NKD1: variants seen among roughly 807,000 people sequenced by gnomAD.
NKD1 encodes NKD inhibitor of Wnt signaling pathway 1.
Under a neutral mutation model 56.0 loss-of-function variants are expected in NKD1, and 21 were observed. The observed-to-expected ratio is 0.38, with a 90% CI of 0.27 to 0.54. The LOEUF is 0.54. Among genes scored for constraint, NKD1 ranks in the 20% least tolerant of loss-of-function variants. The pLI, the probability that NKD1 is intolerant of heterozygous loss-of-function variation, is 0.82. For missense variants in NKD1, 578 were observed against 642.7 expected, an observed-to-expected ratio of 0.90 and a Z score of 1.09; for synonymous variants, 263 against 265.7, an observed-to-expected ratio of 0.99 and a Z score of 0.10.
intron 3 of NKD1, among the ~76,000 whole-genome samples, chr16:50,577,309 C>T (rs1427919832): frequency 6.6e-6 from 1 of 152,010 alleles, no homozygotes; most frequent in East Asian, 1.9e-4. Flanking sequence ...TTTCATAAGT[C>T]ATTCTTTATT....
chr16:50,560,231 G>A (rs753331500), intron 3 of NKD1, among the ~76,000 whole-genome samples: 7 of 152,188 alleles, frequency 4.6e-5, no homozygotes, highest in Non-Finnish European at 8.8e-5. Context: ...AAGTCCAAAG[G>A]CACCCACTGC....
intron 3 of NKD1, chr16:50,573,972 T>C (rs917563154): frequency 3.1e-6 from 3 of 981,072 alleles, no homozygotes; most frequent in Non-Finnish European, 3.6e-6. Context: ...ATGACATATA[T>C]GTATGTATAT....
At chr16:50,559,955 G>A (rs972727919) in intron 3 of NKD1, among the ~76,000 whole-genome samples, 6 of 152,178 alleles carry the variant, frequency 3.9e-5, no homozygotes, top group African/African-American at 1.2e-4. Flanking sequence ...GCGTGGGCTG[G>A]TGGGCCCCTC....
rs1241130011 is a variant in NKD1, at chr16:50,598,413, AT to A, written c.193-9879del. On this transcript the variant is annotated intron_variant, in intron 3 of 9. Transcript: ENST00000268459. This position sits in a 1 kb window ranked among gnomAD's most constrained non-coding sequence, Gnocchi z 4.2. ...CTTCATTCCTGAGGCTGAGCAAGAA[AT>A]TCCAGGCTTCTTGGGTCCCCAAGCC... Among the ~76,000 whole-genome samples the A allele has an allele frequency of 1.3e-5, 2 of 152,172 alleles. No individual in the cohort carries two copies. The highest frequency in any genetic ancestry group is 4.8e-5 in the African/African-American group (2 of 41,440).
intron 3 of NKD1, among the ~76,000 whole-genome samples, chr16:50,579,486 T>C (rs1156360579): frequency 7.9e-6 from 1 of 126,532 alleles, no homozygotes; most frequent in Non-Finnish European, 1.7e-5. Flanking sequence ...GGCTACCCGC[T>C]ACACACGCAC....
intron 3 of NKD1, among the ~76,000 whole-genome samples, chr16:50,588,418 GT>G (rs1961275498): frequency 6.6e-6 from 1 of 152,070 alleles, no homozygotes; most frequent in African/African-American, 2.4e-5. Context: ...TTAATCCATT[GT>G]TTTGCCATTG....
intron 3 of NKD1, among the ~76,000 whole-genome samples, chr16:50,578,562 C>T (rs1961038965): frequency 6.6e-6 from 1 of 152,124 alleles, no homozygotes; most frequent in Non-Finnish European, 1.5e-5. Context: ...AGTGATGTTC[C>T]CCTGGGGATC....
chr16:50,590,274 GTGTT>G (rs1201400059), intron 3 of NKD1, among the ~76,000 whole-genome samples: 1 of 152,134 alleles, frequency 6.6e-6, no homozygotes, highest in Non-Finnish European at 1.5e-5. Flanking sequence ...TGATACTTTT[GTGTT>G]TGTTCAAATA....
chr16:50,600,646 G>A (rs939410357), intron 3 of NKD1, among the ~76,000 whole-genome samples: 12 of 152,224 alleles, frequency 7.9e-5, no homozygotes, highest in Non-Finnish European at 1.2e-4. Context: ...GGATGCCTGC[G>A]ACTTGCTGGT....
At chr16:50,604,744 C>T (rs1405363963) in intron 3 of NKD1, among the ~76,000 whole-genome samples, 1 of 152,220 alleles carries the variant, frequency 6.6e-6, no homozygotes, top group Non-Finnish European at 1.5e-5. Context: ...GTGGCGCCGT[C>T]GAAGTTCTGA....
chr16:50,562,049 A>G (rs1960645750), intron 3 of NKD1, among the ~76,000 whole-genome samples: 1 of 152,254 alleles, frequency 6.6e-6, no homozygotes, highest in Non-Finnish European at 1.5e-5. Flanking sequence ...CATACTTACA[A>G]GAACATTCAT....
intron 3 of NKD1, among the ~76,000 whole-genome samples, chr16:50,588,573 GTTTCT>G (rs1254838982): frequency 1.5e-5 from 2 of 131,782 alleles, no homozygotes; most frequent in Non-Finnish European, 3.3e-5. Flanking sequence ...ACTTGTTCAA[GTTTCT>G]TTTCTTTTCT....
chr16:50,559,345 C>T (rs1004207167), intron 3 of NKD1, among the ~76,000 whole-genome samples: 29 of 152,242 alleles, frequency 1.9e-4, no homozygotes, highest in African/African-American at 7.0e-4. Context: ...GATTCTACTT[C>T]AGATTAGGGA....
At chr16:50,581,378 A>G (rs925308689) in intron 3 of NKD1, among the ~76,000 whole-genome samples, 2 of 152,198 alleles carry the variant, frequency 1.3e-5, no homozygotes, top group South Asian at 4.1e-4. Flanking sequence ...CCTTCAGTTT[A>G]GGGACCAGTT....
At chr16:50,589,163 C>G (rs989576206) in intron 3 of NKD1, among the ~76,000 whole-genome samples, 4 of 152,158 alleles carry the variant, frequency 2.6e-5, no homozygotes, top group Non-Finnish European at 5.9e-5. Flanking sequence ...CTTGGTGAGC[C>G]TTGGGCCTGG....
At chr16:50,611,384 G>C (rs560500509) in intron 4 of NKD1, among the ~76,000 whole-genome samples, 43 of 123,070 alleles carry the variant, frequency 3.5e-4, no homozygotes, top group African/African-American at 2.3e-3. Context: ...CCCTAAAGGA[G>C]ATGCTCAGAG....
intron 3 of NKD1, among the ~76,000 whole-genome samples, chr16:50,572,162 T>A (rs1035743331): frequency 6.6e-6 from 1 of 152,214 alleles, no homozygotes; most frequent in Non-Finnish European, 1.5e-5. Flanking sequence ...TCTGCCTCCT[T>A]GGAATGCTCA....
chr16:50,597,893 CCCTCTTGATTATGT>C (rs1278627297), intron 3 of NKD1, among the ~76,000 whole-genome samples: 1 of 152,168 alleles, frequency 6.6e-6, no homozygotes, highest in Non-Finnish European at 1.5e-5. Flanking sequence ...GCCAGTGTGA[CCCTCTTGATTATGT>C]CCTCATCTGG....
chr16:50,582,361 C>T lies in NKD1; in HGVS notation c.193-25933C>T, dbSNP rs575355742. On this transcript the variant is annotated intron_variant, in intron 3 of 9. Coordinates refer to ENST00000268459, the MANE Select transcript of NKD1 (RefSeq NM_033119.5). ...CCTGAGAGAGAGCTGCCCCCTCCCACATATCCTAAAGTGGACCCTCCCAGG... is the reference window on the plus strand; with the variant it reads ...CCTGAGAGAGAGCTGCCCCCTCCCATATATCCTAAAGTGGACCCTCCCAGG... Among the ~76,000 whole-genome samples the T allele has an allele frequency of 4.5e-4, 69 of 152,340 alleles. No homozygotes were observed. The Middle Eastern group carries it at 0.01, about 23-fold the overall frequency.
Sources: gnomAD v4.1 joint callset for allele counts (sites outside exome capture counted in the v4.1 genomes callset) on GRCh38, gnomAD v4.1.1 for gene constraint, Gnocchi (gnomAD v3.1) non-coding constraint, MANE v1.5 for transcripts, NCBI Gene and HGNC (gene_info 2026-07-23, HGNC 2026-07-21) for gene names.